Variants in NRG3 observed in about 807,000 individuals in gnomAD.
The protein encoded by NRG3 is pro-neuregulin-3, membrane-bound isoform.
A neutral mutation model predicts 66.9 loss-of-function variants in NRG3; 31 were observed. The observed-to-expected ratio is 0.46, with a 90% confidence interval of 0.35 to 0.63. The LOEUF (loss-of-function observed/expected upper bound fraction) is 0.63, where lower values mean the gene tolerates loss of function less well. Ranked by LOEUF, NRG3 falls within the 20% of genes least tolerant of loss-of-function variation. NRG3 has a pLI of 0.00. For missense variants in NRG3, 910 were observed against 878.9 expected (o/e 1.04, Z -0.45); for synonymous variants, 393 against 359.4 (o/e 1.09, Z -1.06).
chr10:82,264,623 A>G (rs915384917), intron 1 of NRG3, among the ~76,000 whole-genome samples: 2 of 152,226 alleles, frequency 1.3e-5, no homozygotes, highest in Admixed American at 6.5e-5. Flanking sequence ...TTTGAGGCAC[A>G]TCATCTTTAA....
chr10:82,393,346 A>T (rs1463696201), intron 2 of NRG3, among the ~76,000 whole-genome samples: 1 of 152,154 alleles, frequency 6.6e-6, no homozygotes, highest in East Asian at 1.9e-4. Flanking sequence ...AGACAGGTGC[A>T]TCCGTAATTT....
intron 1 of NRG3, among the ~76,000 whole-genome samples, chr10:82,283,320 C>T (rs956855201): frequency 6.6e-6 from 1 of 152,126 alleles, no homozygotes; most frequent in Admixed American, 6.6e-5. Context: ...GTTTGCCTAA[C>T]TATAATTGAG....
chr10:82,371,571 A>G (rs1374596418), intron 2 of NRG3, among the ~76,000 whole-genome samples: 1 of 152,178 alleles, frequency 6.6e-6, no homozygotes, highest in East Asian at 1.9e-4. Flanking sequence ...TCAATTCAAT[A>G]TGACAAGTTC....
At chr10:82,941,647 C>T (rs1378887781) in intron 4 of NRG3, among the ~76,000 whole-genome samples, 1 of 152,094 alleles carries the variant, frequency 6.6e-6, no homozygotes, top group African/African-American at 2.4e-5. Context: ...AGAGACTGAC[C>T]TACACAGATG....
At chr10:82,115,187 G>A (rs1394541808) in intron 1 of NRG3, among the ~76,000 whole-genome samples, 2 of 152,006 alleles carry the variant, frequency 1.3e-5, no homozygotes, top group African/African-American at 4.8e-5. Flanking sequence ...CTGACCTTCT[G>A]TAGAGGCTTA....
rs1274682626 is a variant in NRG3 at position 82,254,553 on chromosome 10, T to C, written c.824-104186T>C. ...AAACAACTTGGTTTCCTTGGAGAGA[T>C]GGATGATTCTAGGGTTAAAGCAAGA... On this transcript the variant is annotated intron_variant, in intron 1 of 8. Coordinates refer to ENST00000372141, the MANE Select transcript of NRG3 (RefSeq NM_001010848.4). 2.6e-5 allele frequency among the ~76,000 whole-genome samples: 4 copies of C among 152,252 alleles called. No homozygotes were observed. In the South Asian group the frequency reaches 8.3e-4, roughly 32 times the overall value.
intron 3 of NRG3, among the ~76,000 whole-genome samples, chr10:82,804,028 G>A (rs964920824): frequency 1.9e-4 from 29 of 152,070 alleles, no homozygotes; most frequent in African/African-American, 6.5e-4. Context: ...CGCGCCATCC[G>A]TGCTCCCAGC....
intron 2 of NRG3, among the ~76,000 whole-genome samples, chr10:82,438,241 C>T (rs546038084): frequency 3.3e-5 from 5 of 152,304 alleles, no homozygotes; most frequent in Admixed American, 2.6e-4. Context: ...CCCTGAGCCT[C>T]TGGCTGGAGT....
chr10:82,094,659 G>A (rs1314642631), intron 1 of NRG3, among the ~76,000 whole-genome samples: 1 of 151,978 alleles, frequency 6.6e-6, no homozygotes, highest in Non-Finnish European at 1.5e-5. Context: ...TTCATGGCGA[G>A]ATATATATAT....
chr10:82,873,115 G>A (rs935957857), intron 4 of NRG3, among the ~76,000 whole-genome samples: 5 of 151,942 alleles, frequency 3.3e-5, no homozygotes, highest in African/African-American at 4.8e-5. Flanking sequence ...TTATATTCCC[G>A]AATTTTTCTT....
chr10:82,211,819 G>C (rs2133639224), intron 1 of NRG3, among the ~76,000 whole-genome samples: 1 of 152,268 alleles, frequency 6.6e-6, no homozygotes, highest in South Asian at 2.1e-4. Flanking sequence ...TTTGGAGACA[G>C]GGCAGCAGGC....
intron 3 of NRG3, among the ~76,000 whole-genome samples, chr10:82,753,397 C>G (rs1003203109): frequency 6.6e-6 from 1 of 151,642 alleles, no homozygotes; most frequent in Non-Finnish European, 1.5e-5. Flanking sequence ...GAAATGAGGC[C>G]TTTGATTATG....
At chr10:82,642,385 A>G (rs181602526) in intron 2 of NRG3, among the ~76,000 whole-genome samples, 1 of 152,226 alleles carries the variant, frequency 6.6e-6, no homozygotes, top group East Asian at 1.9e-4. Flanking sequence ...GATTATTAAC[A>G]GCTGTTAACA....
chr10:82,576,220 G>C (rs1349505476), intron 2 of NRG3, among the ~76,000 whole-genome samples: 1 of 151,488 alleles, frequency 6.6e-6, no homozygotes, highest in Admixed American at 6.6e-5. Context: ...TTTGCTGGAT[G>C]TTTTTATATT....
intron 1 of NRG3, among the ~76,000 whole-genome samples, chr10:82,163,520 C>T (rs1437808455): frequency 1.3e-5 from 2 of 152,160 alleles, no homozygotes; most frequent in Non-Finnish European, 2.9e-5. Flanking sequence ...ACATCACTGT[C>T]ATTCATTACA....
chr10:82,814,832 G>A (rs1221538261), intron 3 of NRG3, among the ~76,000 whole-genome samples: 1 of 152,128 alleles, frequency 6.6e-6, no homozygotes, highest in East Asian at 1.9e-4. Flanking sequence ...ATCATGTTTG[G>A]TAGTCTGCTA....
At chr10:82,262,883 G>C (rs994296792) in intron 1 of NRG3, among the ~76,000 whole-genome samples, 4 of 152,064 alleles carry the variant, frequency 2.6e-5, no homozygotes, top group Non-Finnish European at 5.9e-5. Context: ...TATTCACCTA[G>C]GACTGTGCTG....
At chr10:82,728,562 C>T (rs544158767) in intron 2 of NRG3, among the ~76,000 whole-genome samples, 2 of 152,168 alleles carry the variant, frequency 1.3e-5, no homozygotes, top group African/African-American at 2.4e-5. Context: ...GTCCATTAAA[C>T]CTCTTTCTTT....
intron 1 of NRG3, among the ~76,000 whole-genome samples, chr10:81,969,186 C>T (rs1052762527): frequency 5.9e-5 from 9 of 152,254 alleles, no homozygotes; most frequent in African/African-American, 2.2e-4. Flanking sequence ...CCTGTCTCCC[C>T]TGCCACCACC....
Sources: gnomAD v4.1 joint callset for allele counts (sites outside exome capture counted in the v4.1 genomes callset) on GRCh38, gnomAD v4.1.1 for gene constraint, MANE v1.5 for transcripts, NCBI Gene and HGNC (gene_info 2026-07-23, HGNC 2026-07-21) for gene names.